Variants in GRM4 observed in about 807,000 individuals in gnomAD.
The protein encoded by GRM4 is glutamate metabotropic receptor 4, also known as metabotropic glutamate receptor 4.
In GRM4, 28 loss-of-function variants were observed where a neutral mutation model predicts 81.7. The observed-to-expected ratio is 0.34, with a 90% CI of 0.25 to 0.47. The LOEUF (loss-of-function observed/expected upper bound fraction) is 0.47, where lower values mean the gene tolerates loss of function less well. Ranked by LOEUF, GRM4 falls within the 20% of genes least tolerant of loss-of-function variation. The probability of loss-of-function intolerance (pLI) is 1.00; values close to 1 mark genes in which losing one functional copy is unlikely to be tolerated. For missense variants in GRM4, 948 were observed against 1,290.0 expected (o/e 0.73, Z 4.06); for synonymous variants, 488 against 528.8 (o/e 0.92, Z 1.06).
In GRM4 at chr6:34,034,067, C is replaced by G. The variant is rs1764573966; in HGVS notation, c.2442+1601G>C. 6.6e-6 allele frequency among the ~76,000 whole-genome samples: 1 copy of G among 152,210 alleles called. No homozygotes were observed. The highest frequency in any genetic ancestry group is 2.1e-4 in the South Asian group (1 of 4,828). Reference sequence around the variant, plus strand: ...GGCTCACAGCTCTAGATGCCAGGCTCAGGCTGACAACTCCTCAGATATGTC... The same window carrying G: ...GGCTCACAGCTCTAGATGCCAGGCTGAGGCTGACAACTCCTCAGATATGTC... On this transcript the variant is annotated intron_variant, in intron 9 of 10. Coordinates refer to ENST00000538487, the MANE Select transcript of GRM4 (RefSeq NM_000841.4). This position sits in a 1 kb window ranked among gnomAD's most constrained non-coding sequence, Gnocchi z 4.0.
chr6:34,056,494 C>A, intron 6 of GRM4, 50 bp downstream of exon 6: 1 of 1,547,710 alleles, frequency 6.5e-7, no homozygotes, highest in Middle Eastern at 2.2e-4. Flanking sequence ...GCTCGGCCCT[C>A]CCCGGCTCCT....
intron 2 of GRM4, among the ~76,000 whole-genome samples, chr6:34,097,567 C>T (rs2127490860): frequency 6.6e-6 from 1 of 152,346 alleles, no homozygotes; most frequent in East Asian, 1.9e-4. Flanking sequence ...CTGATACCGG[C>T]TAGCACACGG....
At chr6:34,043,288 C>T (rs1246192356) in intron 6 of GRM4, among the ~76,000 whole-genome samples, 2 of 152,174 alleles carry the variant, frequency 1.3e-5, no homozygotes, top group Non-Finnish European at 2.9e-5. Flanking sequence ...CTGCCTTGTC[C>T]AAGGCCTCTG....
chr6:34,032,036 C>T (rs1236734224), intron 9 of GRM4, among the ~76,000 whole-genome samples: 1 of 151,464 alleles, frequency 6.6e-6, no homozygotes, highest in Non-Finnish European at 1.5e-5. Flanking sequence ...TACATAGACA[C>T]AAATGTACTC....
At chr6:34,144,661 G>T (rs1454478920) in intron 1 of GRM4, among the ~76,000 whole-genome samples, 1 of 152,072 alleles carries the variant, frequency 6.6e-6, no homozygotes. Context: ...GTGCCCTCCC[G>T]CCGGGAGACT....
At chr6:34,057,602 G>A (rs1416883551) in intron 5 of GRM4, among the ~76,000 whole-genome samples, 1 of 152,242 alleles carries the variant, frequency 6.6e-6, no homozygotes, top group East Asian at 1.9e-4. Flanking sequence ...TCCCCCAACT[G>A]TGACAACCAA....
intron 2 of GRM4, among the ~76,000 whole-genome samples, chr6:34,112,440 A>G (rs368883268): frequency 2.0e-5 from 3 of 152,292 alleles, no homozygotes; most frequent in South Asian, 4.1e-4. Context: ...TGCCAAAAAT[A>G]TGAAAGGCAG....
In GRM4 at chr6:34,048,114, G is replaced by A. The variant is rs1012975848; in HGVS notation, c.1169-7366C>T. 3.3e-5 allele frequency among the ~76,000 whole-genome samples: 5 copies of A among 152,106 alleles called. No homozygotes were observed. Among genetic ancestry groups the A allele is most frequent in the South Asian group, 4.1e-4 (2 of 4,820 alleles). On this transcript the variant is annotated intron_variant, in intron 6 of 10. Coordinates refer to ENST00000538487, the MANE Select transcript of GRM4 (RefSeq NM_000841.4). This position sits in a 1 kb window ranked among gnomAD's most constrained non-coding sequence, Gnocchi z 4.0. ...GAATGCAGACTTTAAGAATCCTCAC[G>A]GCACTCCTGTGTCCCTGCGAATCTG...
Position 34,020,668 on chromosome 6 carries a change from C to G in GRM4, c.*2153G>C, listed in dbSNP as rs1219381164. ...CTTAGGAACCATTCCGCAAGATGAT[C>G]AGCGAGACACTTCCTTTCCTGTCTC... On this transcript the variant is annotated 3_prime_UTR_variant, in exon 11 of 11. Coordinates refer to ENST00000538487, the MANE Select transcript of GRM4 (RefSeq NM_000841.4). 1.3e-5 allele frequency: 2 copies of G among 152,184 alleles called. No individual in the cohort carries two copies. The allele number at this position is 152,184 out of a possible 1,614,324, so 9.4% of individuals were successfully genotyped here. A position where few individuals can be genotyped will look rare whatever the true frequency, so the allele number is the denominator to read the frequency against.
At chr6:34,123,298 G>A (rs1769888492) in intron 2 of GRM4, among the ~76,000 whole-genome samples, 1 of 152,182 alleles carries the variant, frequency 6.6e-6, no homozygotes, top group Admixed American at 6.5e-5. Flanking sequence ...AGGAGGCTCT[G>A]GCACACCTAC....
chr6:34,028,298 G>T lies in GRM4; in HGVS notation c.2511C>A (p.Leu837=), dbSNP rs1262226007. ...SLSASVSLGM[L]YMPKVYIILF... is the part of the protein sequence containing the mutation. ...GGATGATGTAGACTTTGGGCATGTAGAGCATTCCCAGGGACACCGAGGCGC... is the reference window on the plus strand; with the variant it reads ...GGATGATGTAGACTTTGGGCATGTATAGCATTCCCAGGGACACCGAGGCGC... Residue 837 remains leucine, a synonymous_variant, in exon 10 of 11, where the codon CTC becomes CTA. Transcript: ENST00000538487. The T allele has an allele frequency of 9.3e-6, 15 of 1,613,550 alleles. No individual in the cohort carries two copies. The highest frequency in any genetic ancestry group is 1.3e-5 in the Non-Finnish European group (15 of 1,179,764).
In GRM4 at chr6:34,064,704, G is replaced by A. The variant is rs1222115756; in HGVS notation, c.737-2676C>T. Reference sequence around the variant, plus strand: ...CCTGGGATGACACAAGCTCCTGGCAGTGGCACAATCTCTGCCTCAACTGCT... The same window carrying A: ...CCTGGGATGACACAAGCTCCTGGCAATGGCACAATCTCTGCCTCAACTGCT... On this transcript the variant is annotated intron_variant, in intron 3 of 10. Transcript: ENST00000538487. The surrounding 1 kb of genome is among the most constrained non-coding windows in gnomAD (Gnocchi z 4.4). 2.0e-5 allele frequency among the ~76,000 whole-genome samples: 3 copies of A among 152,204 alleles called. No individual in the cohort carries two copies. Among genetic ancestry groups the A allele is most frequent in the Non-Finnish European group, 4.4e-5 (3 of 68,018 alleles).
rs566151270 is a variant in GRM4 at position 34,024,390 on chromosome 6, T to C, written c.2690-1520A>G. 8 of 265,822 alleles carry C rather than the reference T, an allele frequency of 3.0e-5. No homozygotes were observed. The East Asian group carries it at 6.6e-4, about 22-fold the overall frequency. The allele number at this position is 265,822 out of a possible 1,614,324, so 16.5% of individuals were successfully genotyped here. On this transcript the variant is annotated intron_variant, in intron 10 of 10. Coordinates refer to ENST00000538487, the MANE Select transcript of GRM4 (RefSeq NM_000841.4). ...TCAGGGAGCCAATGGAGCAACAAGA[T>C]GGAAGGATCCTGGGTCCTCACTCCC...
chr6:34,111,650 G>A lies in GRM4; in HGVS notation c.520-19551C>T, dbSNP rs1358087867. Among the ~76,000 whole-genome samples the A allele has an allele frequency of 6.6e-6, 1 of 152,240 alleles. No individual in the cohort carries two copies. The highest frequency in any genetic ancestry group is 1.9e-4 in the East Asian group (1 of 5,204). On this transcript the variant is annotated intron_variant, in intron 2 of 10. Transcript: ENST00000538487. The surrounding 1 kb of genome is among the most constrained non-coding windows in gnomAD (Gnocchi z 5.1). ...GCCCATGGGAGAACCAGCCTGGCAG[G>A]GGCAAAGCTCAAGGTGGGCAAGAGC...
At position 34,115,320 on chromosome 6, in the gene GRM4, G is replaced by T. The variant is rs1239407734; in HGVS notation, c.519+17658C>A. Among the ~76,000 whole-genome samples the T allele has an allele frequency of 2.6e-5, 4 of 152,240 alleles. No homozygotes were observed. The highest frequency in any genetic ancestry group is 9.6e-5 in the African/African-American group (4 of 41,462). ...CAGCAGGCACAACACAGCCACTGCT[G>T]AATTATTTATTCCCTACATTGTTAG... is the stretch of plus-strand genomic sequence containing the variant. On this transcript the variant is annotated intron_variant, in intron 2 of 10. Transcript: ENST00000538487. The surrounding 1 kb of genome is among the most constrained non-coding windows in gnomAD (Gnocchi z 4.1).
intron 2 of GRM4, among the ~76,000 whole-genome samples, chr6:34,122,197 A>G (rs1441156127): frequency 2.6e-5 from 4 of 151,924 alleles, no homozygotes; most frequent in Non-Finnish European, 5.9e-5. Context: ...GGGAGCCCCA[A>G]CACTCTCTCT....
rs913773039 is a variant in GRM4, at chr6:34,133,060, T to C, written c.437A>G (p.Lys146Arg). 1 of 1,613,856 alleles carries C rather than the reference T, an allele frequency of 6.2e-7. No homozygotes were observed. The highest frequency in any genetic ancestry group is 1.1e-5 in the South Asian group (1 of 91,064). ...GATGACACCCACCACACGTTCAGGC[T>C]TGGTGATGATGGGTGGGCCGCCACT... ...CGSGGPPIIT[K>R]PERVVGVIGA... Residue 146 changes from lysine to arginine, a missense_variant, in exon 2 of 11, where the codon AAG becomes AGG. Physicochemically the swap from Lys to Arg is conservative, Grantham distance 26. Transcript: ENST00000538487. This position sits in a 1 kb window ranked among gnomAD's most constrained non-coding sequence, Gnocchi z 6.5.
At chr6:34,145,978 G>A (rs1426525712) in intron 1 of GRM4, 22 bp downstream of exon 1, 5 of 974,970 alleles carry the variant, frequency 5.1e-6, no homozygotes, top group South Asian at 4.8e-5. Context: ...CCTCCTCCCC[G>A]TGCGCGTGCC....
chr6:34,101,922 G>C (rs1054300916), intron 2 of GRM4: 8 of 1,162,802 alleles, frequency 6.9e-6, no homozygotes, highest in Non-Finnish European at 9.7e-6. Context: ...GTGGCCCCTG[G>C]CTTCTCTCCC....
Sources: gnomAD v4.1 joint callset for allele counts (sites outside exome capture counted in the v4.1 genomes callset) on GRCh38, gnomAD v4.1.1 for gene constraint, Gnocchi (gnomAD v3.1) non-coding constraint, MANE v1.5 for transcripts, NCBI Gene and HGNC (gene_info 2026-07-23, HGNC 2026-07-21) for gene names.